The following APLF variants were observed in gnomAD, a reference collection of about 807,000 sequenced individuals.
APLF encodes aprataxin and PNK-like factor.
Under a neutral mutation model 55.6 loss-of-function variants are expected in APLF, and 61 were observed. That is an observed-to-expected ratio of 1.10 (90% CI 0.89 to 1.36). The LOEUF is 1.36. Ranked by LOEUF, APLF falls within the 40% of genes most tolerant of loss-of-function variation. The pLI is 0.00. For missense variants in APLF, 611 were observed against 602.5 expected (o/e 1.01, Z -0.15); for synonymous variants, 207 against 214.8 (o/e 0.96, Z 0.32).
At position 68,529,551 on chromosome 2, in the gene APLF, C is replaced by T; in HGVS notation, c.804+3309C>T. On this transcript the variant is annotated intron_variant, in intron 6 of 9. Transcript: ENST00000303795. This position sits in a 1 kb window ranked among gnomAD's most constrained non-coding sequence, Gnocchi z 4.4. ...ACCCACTTCTCTGTGGCTGGGTGCA[C>T]ACTGGGCATCTGGGAGTTTATGACA... is the stretch of plus-strand genomic sequence containing the variant. 1.3e-6 allele frequency: 1 copy of T among 796,680 alleles called. No individual in the cohort carries two copies. The highest frequency in any genetic ancestry group is 1.5e-6 in the Non-Finnish European group (1 of 649,760). 49.4% of individuals were successfully genotyped at this position (796,680 alleles called of 1,614,324 possible).
chr2:68,515,210 A>G (rs961867888), intron 5 of APLF, among the ~76,000 whole-genome samples: 1 of 151,796 alleles, frequency 6.6e-6, no homozygotes, highest in Admixed American at 6.6e-5. Context: ...GAATTTTCCA[A>G]TCTAAGCCTA....
At chr2:68,558,350 C>A (rs1204329219) in intron 8 of APLF, among the ~76,000 whole-genome samples, 2 of 152,076 alleles carry the variant, frequency 1.3e-5, no homozygotes, top group Non-Finnish European at 2.9e-5. Context: ...GTACTTTTTA[C>A]TATTTTATGC....
intron 3 of APLF, among the ~76,000 whole-genome samples, chr2:68,510,960 A>G (rs914346611): frequency 2.0e-5 from 3 of 151,830 alleles, no homozygotes; most frequent in Non-Finnish European, 4.4e-5. Context: ...TGAAATATGT[A>G]GAAAATGTGA....
intron 2 of APLF, among the ~76,000 whole-genome samples, chr2:68,496,842 C>A (rs1476380169): frequency 6.6e-6 from 1 of 152,204 alleles, no homozygotes; most frequent in Non-Finnish European, 1.5e-5. Flanking sequence ...ATATCACTAT[C>A]AGCATTTTGG....
In APLF at chr2:68,579,325, C is replaced by T. The variant is rs1320764756; in HGVS notation, c.*1303C>T. On this transcript the variant is annotated 3_prime_UTR_variant, in exon 10 of 10. Transcript: ENST00000303795. Reference sequence around the variant, plus strand: ...TTATTGTTATTTGGGAACTATTTTTCCCCTTATAATGTCCCTTTAGCCTTG... The same window carrying T: ...TTATTGTTATTTGGGAACTATTTTTTCCCTTATAATGTCCCTTTAGCCTTG... 24 of 924,818 alleles carry T rather than the reference C, an allele frequency of 2.6e-5. No individual in the cohort carries two copies. Among genetic ancestry groups the T allele is most frequent in the African/African-American group, 5.4e-5 (3 of 55,846 alleles). 57.3% of individuals were successfully genotyped at this position (924,818 alleles called of 1,614,324 possible).
At chr2:68,563,924 C>A (rs1179932369) in intron 8 of APLF, among the ~76,000 whole-genome samples, 6 of 151,980 alleles carry the variant, frequency 3.9e-5, no homozygotes, top group African/African-American at 7.2e-5. Flanking sequence ...CTTGAAAAAT[C>A]TTGATGAAGA....
rs540238445 is a variant in APLF at position 68,529,348 on chromosome 2, C to T, written c.804+3106C>T. The T allele has an allele frequency of 9.2e-5, 122 of 1,319,590 alleles. No homozygotes were observed. The highest frequency in any genetic ancestry group is 7.0e-4 in the African/African-American group (47 of 67,548). The allele number at this position is 1,319,590 out of a possible 1,614,324, so 81.7% of individuals were successfully genotyped here. On this transcript the variant is annotated intron_variant, in intron 6 of 9. Transcript: ENST00000303795. The surrounding 1 kb of genome is among the most constrained non-coding windows in gnomAD (Gnocchi z 4.4). Reference sequence around the variant, plus strand: ...CTGGGGCAGGCACAGGTGCAGGAGCCGCGGGGTGAGCCCGGCCAGCTGGGA... The same window carrying T: ...CTGGGGCAGGCACAGGTGCAGGAGCTGCGGGGTGAGCCCGGCCAGCTGGGA...
chr2:68,529,256 C>A lies in APLF; in HGVS notation c.804+3014C>A. ...CAGCCTCATAAGGGTGCCGTCCCAC[C>A]TGCCTGGAAAAGAAGGCCCAAGATG... On this transcript the variant is annotated intron_variant, in intron 6 of 9. Transcript: ENST00000303795. This position sits in a 1 kb window ranked among gnomAD's most constrained non-coding sequence, Gnocchi z 4.4. The A allele has an allele frequency of 7.7e-7, 1 of 1,301,146 alleles. No individual in the cohort carries two copies. The highest frequency in any genetic ancestry group is 1.0e-6 in the Non-Finnish European group (1 of 983,650). The allele number at this position is 1,301,146 out of a possible 1,614,324, so 80.6% of individuals were successfully genotyped here.
chr2:68,575,729 G>T (rs1238489427), intron 9 of APLF, among the ~76,000 whole-genome samples: 1 of 152,008 alleles, frequency 6.6e-6, no homozygotes, highest in African/African-American at 2.4e-5. Context: ...GATGATTAGA[G>T]AAGTCATATA....
chr2:68,519,156 C>T (rs1162160589), intron 5 of APLF, among the ~76,000 whole-genome samples: 2 of 132,964 alleles, frequency 1.5e-5, no homozygotes, highest in Non-Finnish European at 3.1e-5. Flanking sequence ...TATATAAAGA[C>T]TTGACCAAAA....
chr2:68,528,232 A>G (rs1445888816), intron 6 of APLF: 89 of 1,188,672 alleles, frequency 7.5e-5, no homozygotes, highest in Non-Finnish European at 8.6e-5. Flanking sequence ...GTGGGCCACC[A>G]TGCCTGCCCT....
chr2:68,480,301 CCTTTTTTTTTTTTT>C lies in APLF; in HGVS notation c.97-9888_97-9875del, dbSNP rs113061067. Among the ~76,000 whole-genome samples, 370 of 149,660 alleles carry C rather than the reference CCTTTTTTTTTTTTT, an allele frequency of 2.5e-3. 1 individual carries two copies. The highest frequency in any genetic ancestry group is 8.5e-3 in the African/African-American group (348 of 40,940). On this transcript the variant is annotated intron_variant, in intron 1 of 9. Coordinates refer to ENST00000303795, the MANE Select transcript of APLF (RefSeq NM_173545.3). Reference sequence around the variant, plus strand: ...TTCCATTTAGATGCCCTTTCTTTTTCCTTTTTTTTTTTTTGTTTTTTGAGACGGAGTTTCACTCT... The same window carrying C: ...TTCCATTTAGATGCCCTTTCTTTTTCGTTTTTTGAGACGGAGTTTCACTCT...
Position 68,580,030 on chromosome 2 carries a change from G to A in APLF, c.*2008G>A, listed in dbSNP as rs1274022751. On this transcript the variant is annotated 3_prime_UTR_variant, in exon 10 of 10. Transcript: ENST00000303795. ...AAGGAAAAAAATATTTAATATCAAA[G>A]GATATTCTTCGTAGTAATGTAATAG... The A allele has an allele frequency of 1.1e-6, 1 of 905,550 alleles. No homozygotes were observed. The highest frequency in any genetic ancestry group is 1.2e-4 in the East Asian group (1 of 8,462). 56.1% of individuals were successfully genotyped at this position (905,550 alleles called of 1,614,324 possible).
intron 6 of APLF, among the ~76,000 whole-genome samples, chr2:68,526,710 A>G (rs1381927159): frequency 6.6e-6 from 1 of 152,166 alleles, no homozygotes; most frequent in East Asian, 1.9e-4. Flanking sequence ...TCGTTTCAGG[A>G]CGGAGTCTTG....
At chr2:68,513,751 A>G in intron 5 of APLF, 71 bp downstream of exon 5, 1 of 1,535,528 alleles carries the variant, frequency 6.5e-7, no homozygotes, top group Non-Finnish European at 8.9e-7. Flanking sequence ...TTTTCTGAAG[A>G]AAAACTATAA....
chr2:68,579,224 A>G lies in APLF; in HGVS notation c.*1202A>G. The G allele has an allele frequency of 1.3e-6, 1 of 771,662 alleles. No homozygotes were observed. The highest frequency in any genetic ancestry group is 1.6e-6 in the Non-Finnish European group (1 of 635,384). The allele number at this position is 771,662 out of a possible 1,614,324, so 47.8% of individuals were successfully genotyped here. ...ATCTCCCAGTAATTATACAATATTT[A>G]ATATTTACTTAAACTGGAACAAGAA... On this transcript the variant is annotated 3_prime_UTR_variant, in exon 10 of 10. Coordinates refer to ENST00000303795, the MANE Select transcript of APLF (RefSeq NM_173545.3).
At position 68,479,381 on chromosome 2, in the gene APLF, A is replaced by C. The variant is rs374663238; in HGVS notation, c.97-10809A>C. On this transcript the variant is annotated intron_variant, in intron 1 of 9. Coordinates refer to ENST00000303795, the MANE Select transcript of APLF (RefSeq NM_173545.3). ...ACTTCACAGGTTTTATGACAAAGCC[A>C]ATCAAATAAATTATGGAAGAGATTG... Among the ~76,000 whole-genome samples, 4 of 152,276 alleles carry C rather than the reference A, an allele frequency of 2.6e-5. No individual in the cohort carries two copies. The East Asian group carries it at 5.8e-4, about 22-fold the overall frequency.
intron 7 of APLF, among the ~76,000 whole-genome samples, chr2:68,541,793 G>GA (rs1352317200): frequency 6.6e-6 from 1 of 152,184 alleles, no homozygotes; most frequent in Admixed American, 6.5e-5. Context: ...GGCAGAAATA[G>GA]AAAAAATTAT....
At chr2:68,517,055 T>G (rs1329060172) in intron 5 of APLF, among the ~76,000 whole-genome samples, 4 of 124,640 alleles carry the variant, frequency 3.2e-5, no homozygotes, top group Non-Finnish European at 6.2e-5. Flanking sequence ...AACATGTTAT[T>G]AATATATAAC....
Sources: allele counts gnomAD v4.1 joint callset (sites outside exome capture counted in the v4.1 genomes callset), GRCh38; gene constraint gnomAD v4.1.1; non-coding constraint Gnocchi (gnomAD v3.1); transcripts MANE v1.5; gene names NCBI Gene and HGNC (gene_info 2026-07-23, HGNC 2026-07-21).